The following DNAH10 variants were observed in gnomAD, a reference collection of about 807,000 sequenced individuals.
DNAH10 encodes the protein dynein axonemal heavy chain 10, also known as axonemal beta dynein heavy chain 10.
DNAH10 carries 348 observed loss-of-function variants against 506.6 expected under a neutral mutation model. The observed-to-expected ratio is 0.69, with a 90% CI of 0.63 to 0.75. The LOEUF (loss-of-function observed/expected upper bound fraction) is 0.75, where lower values mean the gene tolerates loss of function less well. Among genes scored for constraint, DNAH10 ranks in the 30% least tolerant of loss-of-function variants. The pLI is 0.00. For synonymous variants in DNAH10, 2,059 were observed against 2,198.6 expected, an observed-to-expected ratio of 0.94 and a Z score of 1.78; for missense variants, 5,179 against 5,787.1, an observed-to-expected ratio of 0.89 and a Z score of 3.41.
At position 123,871,463 on chromosome 12, in the gene DNAH10, C is replaced by T; in HGVS notation, c.7646C>T (p.Thr2549Ile). 6.3e-7 allele frequency: 1 copy of T among 1,586,684 alleles called. No homozygotes were observed. The highest frequency in any genetic ancestry group is 8.6e-7 in the Non-Finnish European group (1 of 1,165,088). Residue 2549 changes from threonine (T) to isoleucine (I), a missense_variant, in exon 45 of 79, where the codon ACA (threonine) becomes ATA (isoleucine). Around this residue, in one of 3 missense-constraint regions of DNAH10, gnomAD observed 4,844 missense variants for 5,430.5 expected, o/e 0.89. Coordinates refer to ENST00000673944, the MANE Select transcript of DNAH10 (RefSeq NM_001372106.1). Reference sequence around the variant, plus strand: ...TTCCTAATGTCTACTTTAGTTCACACAGTGGATACCACTCGGACTACCTGG... The same window carrying T: ...TTCCTAATGTCTACTTTAGTTCACATAGTGGATACCACTCGGACTACCTGG... ...ERKFINILVH[T>I]VDTTRTTWIL...
chr12:123,809,813 C>G (rs1958860826), intron 19 of DNAH10, among the ~76,000 whole-genome samples: 1 of 152,180 alleles, frequency 6.6e-6, no homozygotes, highest in Admixed American at 6.5e-5. Flanking sequence ...CCTTTCTGAT[C>G]TCAGTCCTAC....
Position 123,762,642 on chromosome 12 carries a change from T to G in DNAH10, c.214+92T>G. 1 of 1,354,558 alleles carries G rather than the reference T, an allele frequency of 7.4e-7. No homozygotes were observed. The allele number at this position is 1,354,558 out of a possible 1,614,324, so 83.9% of individuals were successfully genotyped here. ...CGCCGGGGCTGCTAGAGCCTGCCCA[T>G]CGTCCGGCCCCGGCCTCAGGTGCTG... On this transcript the variant is annotated intron_variant, in intron 1 of 78. Transcript: ENST00000673944. The surrounding 1 kb of genome is among the most constrained non-coding windows in gnomAD (Gnocchi z 5.0).
Position 123,931,334 on chromosome 12 carries a change from A to C in DNAH10, c.12785-7A>C. The C allele has an allele frequency of 1.2e-6, 2 of 1,613,232 alleles. No individual in the cohort carries two copies. Among genetic ancestry groups the C allele is most frequent in the Non-Finnish European group, 8.5e-7 (1 of 1,179,794 alleles). On this transcript the variant is annotated splice_polypyrimidine_tract_variant and splice_region_variant and intron_variant, in intron 73 of 78. Coordinates refer to ENST00000673944, the MANE Select transcript of DNAH10 (RefSeq NM_001372106.1). ...AGTGCCACCTCCGTTGTTCTCTGTG[A>C]TTGCAGAAGCCATCGAGGCCCTCCC... is the stretch of plus-strand genomic sequence containing the variant.
At chr12:123,845,499 C>T in intron 30 of DNAH10, 101 bp from the exon 31 acceptor site, 1 of 1,463,074 alleles carries the variant, frequency 6.8e-7, no homozygotes, top group Non-Finnish European at 9.1e-7. Context: ...TTTACTTTGC[C>T]CTCCCTATTC....
Position 123,881,683 on chromosome 12 carries a change from A to G in DNAH10, c.8693A>G (p.Asp2898Gly), listed in dbSNP as rs1242990942. 9.7e-6 allele frequency: 15 copies of G among 1,548,256 alleles called. No individual in the cohort carries two copies. The highest frequency in any genetic ancestry group is 2.8e-5 in the African/African-American group (2 of 72,696). Residue 2898 changes from aspartate to glycine, a missense_variant, in exon 51 of 79, where the codon GAT becomes GGT. Transcript: ENST00000673944. ...NTKMNLVLFD[D>G]ALEHLTRVHR... The stretch of plus-strand genomic sequence containing the variant: ...AAAATGAACTTGGTTCTCTTCGACG[A>G]TGCTCTGGAGCATTTAACCCGGGTG...
intron 8 of DNAH10, among the ~76,000 whole-genome samples, chr12:123,784,591 A>C (rs1370899073): frequency 6.6e-6 from 1 of 152,210 alleles, no homozygotes; most frequent in Non-Finnish European, 1.5e-5. Flanking sequence ...AATAGACATG[A>C]CATGATATTA....
Position 123,914,415 on chromosome 12 carries a change from AG to A in DNAH10, c.10442del (p.Gly3481GlufsTer27). On this transcript the variant is annotated frameshift_variant, in exon 61 of 79. Coordinates refer to ENST00000673944, the MANE Select transcript of DNAH10 (RefSeq NM_001372106.1). LOFTEE classifies it high-confidence loss of function. ...CTCTGCGCGGCTTTCCTCAGCTACG[AG>A]GGAGCCTTCACCTGGGAGTTCCGTG... ...CLLCAAFLSY[E>X]GAFTWEFRDE... is the part of the protein sequence containing the mutation. 3 of 1,613,686 alleles carry A rather than the reference AG, an allele frequency of 1.9e-6. No individual in the cohort carries two copies. The highest frequency in any genetic ancestry group is 1.7e-6 in the Non-Finnish European group (2 of 1,179,884).
chr12:123,776,380 G>C (rs946350071), intron 5 of DNAH10, among the ~76,000 whole-genome samples: 2 of 151,978 alleles, frequency 1.3e-5, no homozygotes, highest in Admixed American at 1.3e-4. Flanking sequence ...ATCGCTTGAG[G>C]CTAGGAGTTT....
chr12:123,797,633 G>A (rs894082698), intron 13 of DNAH10, among the ~76,000 whole-genome samples: 3 of 152,184 alleles, frequency 2.0e-5, no homozygotes, highest in Non-Finnish European at 4.4e-5. Context: ...CTGAGCTCAA[G>A]CAATCTGTCC....
rs573136999 is a variant in DNAH10 at position 123,816,929 on chromosome 12, G to A, written c.3781-2021G>A. Among the ~76,000 whole-genome samples the A allele has an allele frequency of 1.2e-4, 18 of 152,186 alleles. No homozygotes were observed. In the South Asian group the frequency reaches 1.9e-3, roughly 16 times the overall value. ...CACGAATAAGGGTTTCAGTTGCTCCGTCTCCTTACAAATACTTAGTTTGTT... is the reference window on the plus strand; with the variant it reads ...CACGAATAAGGGTTTCAGTTGCTCCATCTCCTTACAAATACTTAGTTTGTT... On this transcript the variant is annotated intron_variant, in intron 21 of 78. Transcript: ENST00000673944.
intron 19 of DNAH10, among the ~76,000 whole-genome samples, chr12:123,811,514 T>A (rs979611722): frequency 5.3e-5 from 8 of 151,862 alleles, no homozygotes; most frequent in African/African-American, 1.9e-4. Context: ...TTTATTTTTT[T>A]TTTTGAGATA....
intron 19 of DNAH10, among the ~76,000 whole-genome samples, chr12:123,810,941 T>C (rs999178206): frequency 6.6e-6 from 1 of 152,214 alleles, no homozygotes; most frequent in Non-Finnish European, 1.5e-5. Context: ...AATAGATGGA[T>C]TTGAGGCTCT....
Position 123,799,226 on chromosome 12 carries a change from T to G in DNAH10, c.2164-20T>G. The G allele has an allele frequency of 1.3e-6, 2 of 1,589,024 alleles. No homozygotes were observed. The highest frequency in any genetic ancestry group is 8.6e-7 in the Non-Finnish European group (1 of 1,164,184). On this transcript the variant is annotated intron_variant, in intron 13 of 78. Transcript: ENST00000673944. Reference sequence around the variant, plus strand: ...GTTATTTTCAAGGACAAAATGACGGTTGCTTGAATTCTTTGATAGGTCAAA... The same window carrying G: ...GTTATTTTCAAGGACAAAATGACGGGTGCTTGAATTCTTTGATAGGTCAAA...
chr12:123,810,533 T>C (rs571875126), intron 19 of DNAH10, among the ~76,000 whole-genome samples: 358 of 152,028 alleles, frequency 2.4e-3, no homozygotes, highest in African/African-American at 8.4e-3. Flanking sequence ...TACACACACA[T>C]ACACACAAAA....
Position 123,804,859 on chromosome 12 carries a change from G to A in DNAH10, c.2806G>A (p.Glu936Lys). 6.2e-7 allele frequency: 1 copy of A among 1,612,130 alleles called. No individual in the cohort carries two copies. Among genetic ancestry groups the A allele is most frequent in the Non-Finnish European group, 8.5e-7 (1 of 1,179,622 alleles). Residue 936 changes from glutamate to lysine, a missense_variant, in exon 18 of 79, where the codon GAG (glutamate) becomes AAG (lysine). Transcript: ENST00000673944. The stretch of plus-strand genomic sequence containing the variant: ...CGTGAAGGAATTTTTTGAACACATT[G>A]AGCGAGAAAGGGCCAGCGACGTGGA... ...PGVKEFFEHI[E>K]RERASDVDHM...
Position 123,804,913 on chromosome 12 carries a change from G to A in DNAH10, c.2860G>A (p.Gly954Arg). 6.2e-7 allele frequency: 1 copy of A among 1,613,988 alleles called. No individual in the cohort carries two copies. Among genetic ancestry groups the A allele is most frequent in the Non-Finnish European group, 8.5e-7 (1 of 1,180,042 alleles). The change falls in exon 18 of 79, where the codon GGA becomes AGA. Residue 954 changes from glycine (G) to arginine (R), a missense_variant. Coordinates refer to ENST00000673944, the MANE Select transcript of DNAH10 (RefSeq NM_001372106.1). The stretch of plus-strand genomic sequence containing the variant: ...CATGGTCCGGTGGTATCTTGCCATT[G>A]GACCACTGCTGACCAAAGTTGAGGG... ...DHMVRWYLAI[G>R]PLLTKVEGLV...
intron 30 of DNAH10, among the ~76,000 whole-genome samples, chr12:123,844,388 G>GA (rs1193460317): frequency 6.6e-6 from 1 of 152,020 alleles, no homozygotes; most frequent in East Asian, 1.9e-4. Context: ...GTGCAGTTTA[G>GA]AAAAAAAGCT....
At position 123,917,617 on chromosome 12, in the gene DNAH10, G is replaced by A; in HGVS notation, c.11036G>A (p.Ser3679Asn). The change falls in exon 64 of 79, where the codon AGC becomes AAC. Residue 3679 changes from serine to asparagine, a missense_variant. Physicochemically the swap from Ser to Asn is conservative, Grantham distance 46 (BLOSUM62 1). Transcript: ENST00000673944. The surrounding 1 kb of genome is among the most constrained non-coding windows in gnomAD (Gnocchi z 5.6). ...AAGGGCCTGGAGGACCAGCTGCTGA[G>A]CGTGCTGGTGGCTTACGAGAGGCGG... is the stretch of plus-strand genomic sequence containing the variant. ...TLKGLEDQLL[S>N]VLVAYERREL... 2 of 1,551,634 alleles carry A rather than the reference G, an allele frequency of 1.3e-6. No homozygotes were observed. Among genetic ancestry groups the A allele is most frequent in the Non-Finnish European group, 1.7e-6 (2 of 1,147,038 alleles).
chr12:123,872,245 G>A (rs940533117), intron 45 of DNAH10, among the ~76,000 whole-genome samples: 11 of 152,088 alleles, frequency 7.2e-5, no homozygotes, highest in African/African-American at 1.9e-4. Flanking sequence ...CATAGAATTC[G>A]CAGGGTGCAC....
Sources: gnomAD v4.1 joint callset for allele counts (sites outside exome capture counted in the v4.1 genomes callset) on GRCh38, gnomAD v4.1.1 for gene constraint, gnomAD v4.1.1 regional missense constraint, Gnocchi (gnomAD v3.1) non-coding constraint, MANE v1.5 for transcripts, NCBI Gene and HGNC (gene_info 2026-07-23, HGNC 2026-07-21) for gene names.